Variants in LAMA1 observed in about 807,000 individuals in gnomAD.
LAMA1 encodes laminin subunit alpha-1.
LAMA1 carries 219 observed loss-of-function variants against 348.7 expected under a neutral mutation model. That is an observed-to-expected ratio of 0.63 (90% CI 0.56 to 0.70). The LOEUF (loss-of-function observed/expected upper bound fraction) is 0.70, where lower values mean the gene tolerates loss of function less well. LAMA1 is among the 30% of genes least tolerant of loss of function. The probability of loss-of-function intolerance (pLI) is 0.00; values close to 1 mark genes in which losing one functional copy is unlikely to be tolerated. For missense variants in LAMA1, 3,744 were observed against 3,888.0 expected (o/e 0.96, Z 0.99); for synonymous variants, 1,487 against 1,491.0 (o/e 1.00, Z 0.06).
At chr18:6,985,037 G>C (rs570632761) in intron 39 of LAMA1, among the ~76,000 whole-genome samples, 200 bp downstream of exon 39, 2 of 152,256 alleles carry the variant, frequency 1.3e-5, no homozygotes, top group South Asian at 4.1e-4. Flanking sequence ...CCTGTTATTT[G>C]CATTTTTCCA....
intron 61 of LAMA1, among the ~76,000 whole-genome samples, chr18:6,946,831 T>C (rs2057523789): frequency 1.3e-5 from 2 of 152,132 alleles, no homozygotes; most frequent in Non-Finnish European, 2.9e-5. Flanking sequence ...CTGTAATAAT[T>C]TCCAAATAAA....
At chr18:6,979,059 A>C (rs1459389477) in intron 42 of LAMA1, among the ~76,000 whole-genome samples, 3 of 152,214 alleles carry the variant, frequency 2.0e-5, no homozygotes, top group African/African-American at 7.2e-5. Context: ...TACAGCAGAA[A>C]AAGCTGGAAA....
chr18:6,951,119 C>T (rs1408746998), intron 57 of LAMA1, 148 bp from the exon 58 acceptor site: 26 of 746,184 alleles, frequency 3.5e-5, no homozygotes, highest in Non-Finnish European at 5.7e-5. Flanking sequence ...TTTACACATC[C>T]ATTCATATAA....
chr18:7,030,532 A>C (rs1297779784), intron 16 of LAMA1, among the ~76,000 whole-genome samples: 4 of 152,112 alleles, frequency 2.6e-5, no homozygotes, highest in Non-Finnish European at 5.9e-5. Flanking sequence ...TGATAACTCC[A>C]CTCTAGTTAT....
chr18:7,070,138 C>G (rs1385345397), intron 3 of LAMA1, among the ~76,000 whole-genome samples: 1 of 152,178 alleles, frequency 6.6e-6, no homozygotes, highest in Non-Finnish European at 1.5e-5. Context: ...TTTAGGGTGG[C>G]TTACTTCCAA....
intron 3 of LAMA1, among the ~76,000 whole-genome samples, chr18:7,078,367 CG>C (rs1426655042): frequency 1.3e-5 from 2 of 151,268 alleles, no homozygotes; most frequent in Non-Finnish European, 2.9e-5. Flanking sequence ...GGGGTTTCAC[CG>C]TGTTAGCCAG....
chr18:7,068,097 C>T (rs1017571091), intron 3 of LAMA1, among the ~76,000 whole-genome samples: 16 of 152,200 alleles, frequency 1.1e-4, no homozygotes, highest in African/African-American at 3.9e-4. Context: ...AGGTAATCCA[C>T]CTGCCTCGGC....
At chr18:7,023,521 G>A in intron 18 of LAMA1, 146 bp from the exon 19 acceptor site, 1 of 736,756 alleles carries the variant, frequency 1.4e-6, no homozygotes, top group Non-Finnish European at 2.4e-6. Flanking sequence ...TCCCCACTCG[G>A]GCATTCCCAG....
intron 17 of LAMA1, among the ~76,000 whole-genome samples, chr18:7,025,700 C>T (rs1277190765): frequency 1.3e-5 from 2 of 152,196 alleles, no homozygotes; most frequent in African/African-American, 4.8e-5. Flanking sequence ...AAGTAGACAA[C>T]ATATACTTGT....
chr18:6,983,663 G>A (rs2057722205), intron 39 of LAMA1, among the ~76,000 whole-genome samples: 1 of 152,172 alleles, frequency 6.6e-6, no homozygotes, highest in Admixed American at 6.5e-5. Flanking sequence ...TGAGGCCGCT[G>A]AATCTTATCC....
intron 22 of LAMA1, among the ~76,000 whole-genome samples, chr18:7,015,049 C>T (rs568308599): frequency 6.6e-6 from 1 of 152,062 alleles, no homozygotes; most frequent in African/African-American, 2.4e-5. Context: ...GGGGTTTCAC[C>T]GTGTTAGCCA....
At chr18:6,966,451 T>C (rs1222569286) in intron 48 of LAMA1, among the ~76,000 whole-genome samples, 154 bp from the exon 49 acceptor site, 1 of 152,210 alleles carries the variant, frequency 6.6e-6, no homozygotes, top group Non-Finnish European at 1.5e-5. Flanking sequence ...AAAAATATGC[T>C]TGCCATGTGA....
At chr18:7,053,384 G>A (rs564739186) in intron 3 of LAMA1, among the ~76,000 whole-genome samples, 86 of 152,324 alleles carry the variant, frequency 5.6e-4, no homozygotes, top group African/African-American at 1.9e-3. Context: ...GATAACAAAT[G>A]TACCATTCTA....
At chr18:7,054,774 T>C (rs1043407720) in intron 3 of LAMA1, among the ~76,000 whole-genome samples, 56 of 152,156 alleles carry the variant, frequency 3.7e-4, no homozygotes, top group African/African-American at 1.3e-3. Flanking sequence ...CTACTCAATG[T>C]GAAGATGACA....
chr18:7,019,027 C>T (rs554824393), intron 19 of LAMA1, among the ~76,000 whole-genome samples: 2 of 152,232 alleles, frequency 1.3e-5, no homozygotes, highest in African/African-American at 2.4e-5. Context: ...ACCGTGCGGA[C>T]TCTGCTGCTA....
intron 6 of LAMA1, among the ~76,000 whole-genome samples, chr18:7,045,170 C>T (rs901225747): frequency 6.6e-6 from 1 of 152,006 alleles, no homozygotes; most frequent in Admixed American, 6.6e-5. Flanking sequence ...TTTTCAGCAT[C>T]GATAACAGAA....
At chr18:7,080,248 T>C (rs374395073) in intron 2 of LAMA1, 39 bp downstream of exon 2, 3 of 1,613,280 alleles carry the variant, frequency 1.9e-6, no homozygotes, top group African/African-American at 1.3e-5. Context: ...AAAGTGTACA[T>C]TCCCATGGGA....
Position 6,966,277 on chromosome 18 carries a change from G to A in LAMA1, c.6920C>T (p.Ser2307Phe). The A allele has an allele frequency of 6.2e-7, 1 of 1,613,828 alleles. No homozygotes were observed. Among genetic ancestry groups the A allele is most frequent in the Non-Finnish European group, 8.5e-7 (1 of 1,179,912 alleles). ...CFGSSQNEDP[S>F]FHFDGSGYSV... is the part of the protein sequence containing the mutation. Reference sequence around the variant, plus strand: ...GTACCCACTCCCGTCAAAATGGAAGGAAGGGTCTTCATTCTGGGAGCTGCA... The same window carrying A: ...GTACCCACTCCCGTCAAAATGGAAGAAAGGGTCTTCATTCTGGGAGCTGCA... Residue 2307 changes from serine to phenylalanine, a missense_variant, in exon 49 of 63, where the codon TCC becomes TTC. Ser to Phe is a radical substitution (Grantham distance 155). Transcript: ENST00000389658.
intron 57 of LAMA1, among the ~76,000 whole-genome samples, chr18:6,953,523 C>T (rs1600344425): frequency 2.0e-5 from 3 of 152,122 alleles, no homozygotes; most frequent in South Asian, 4.2e-4. Context: ...GGGTCCTGAA[C>T]GTATCCCCCG....
Sources: gnomAD v4.1 joint callset for allele counts (sites outside exome capture counted in the v4.1 genomes callset) on GRCh38, gnomAD v4.1.1 for gene constraint, MANE v1.5 for transcripts, NCBI Gene and HGNC (gene_info 2026-07-23, HGNC 2026-07-21) for gene names.